PPP1CC: variants seen among roughly 807,000 people sequenced by gnomAD.
The protein encoded by PPP1CC is protein phosphatase 1 catalytic subunit gamma, also known as serine/threonine-protein phosphatase PP1-gamma catalytic subunit.
A neutral mutation model predicts 38.4 loss-of-function variants in PPP1CC; 16 were observed. That is an observed-to-expected ratio of 0.42 (90% CI 0.28 to 0.63). The LOEUF is 0.63. Among genes scored for constraint, PPP1CC ranks in the 30% least tolerant of loss-of-function variants. The pLI, the probability that PPP1CC is intolerant of heterozygous loss-of-function variation, is 0.25. For synonymous variants in PPP1CC, 158 were observed against 136.0 expected (o/e 1.16, Z -1.13); for missense variants, 170 against 391.3 (o/e 0.43, Z 4.77).
chr12:110,712,635 C>CAAA, the PPP1CC span, among the ~76,000 whole-genome samples: 6 of 37,654 alleles, frequency 1.6e-4, no homozygotes, highest in Admixed American at 4.1e-4. Flanking sequence ...GAAACTGTCT[C>CAAA]AAAAAAAAAA....
intron 1 of PPP1CC, among the ~76,000 whole-genome samples, chr12:110,735,820 T>G (rs2069936957): frequency 6.6e-6 from 1 of 151,080 alleles, no homozygotes; most frequent in South Asian, 2.1e-4. Flanking sequence ...ATCCCAGCAC[T>G]TTAGGAGTCC....
the PPP1CC span, among the ~76,000 whole-genome samples, chr12:110,710,657 G>A: frequency 7.2e-6 from 1 of 139,408 alleles, no homozygotes; most frequent in Admixed American, 7.7e-5. Context: ...GGCAGAGCTT[G>A]CAGTGAGCGG....
intron 4 of PPP1CC, among the ~76,000 whole-genome samples, chr12:110,723,252 C>T (rs1340262774): frequency 6.6e-6 from 1 of 151,078 alleles, no homozygotes; most frequent in Non-Finnish European, 1.5e-5. Flanking sequence ...ATTATGCAGG[C>T]TTTTTGATGG....
downstream of PPP1CC, among the ~76,000 whole-genome samples, chr12:110,717,819 T>C (rs1468655797): frequency 2.0e-5 from 3 of 152,226 alleles, no homozygotes; most frequent in Non-Finnish European, 4.4e-5. Context: ...CAGGTGATAC[T>C]TGGATTACAT....
chr12:110,742,016 GAAA>G (rs1173019072), intron 1 of PPP1CC, among the ~76,000 whole-genome samples: 3 of 152,164 alleles, frequency 2.0e-5, no homozygotes, highest in Non-Finnish European at 2.9e-5. Context: ...GCACGCTCAG[GAAA>G]AGAGCGCGGA....
intron 3 of PPP1CC, among the ~76,000 whole-genome samples, chr12:110,727,448 A>G (rs74967026): frequency 9.2e-5 from 14 of 152,318 alleles, no homozygotes; most frequent in African/African-American, 3.4e-4. Flanking sequence ...AGGTTTAGCC[A>G]GGGTAATCGC....
chr12:110,731,347 G>A (rs956304043), intron 2 of PPP1CC, among the ~76,000 whole-genome samples: 3 of 151,998 alleles, frequency 2.0e-5, no homozygotes, highest in Non-Finnish European at 2.9e-5. Context: ...ATAAAGTTTG[G>A]TTTTACATTG....
chr12:110,736,182 T>C (rs2069942751), intron 1 of PPP1CC, among the ~76,000 whole-genome samples: 1 of 152,212 alleles, frequency 6.6e-6, no homozygotes, highest in South Asian at 2.1e-4. Flanking sequence ...TAATATTTCT[T>C]TATCTGGCTA....
the PPP1CC span, among the ~76,000 whole-genome samples, chr12:110,709,518 G>A: frequency 6.6e-6 from 1 of 151,378 alleles, no homozygotes; most frequent in African/African-American, 2.4e-5. Flanking sequence ...ATGAGCCATG[G>A]TGCCCGGCCA....
chr12:110,727,503 GTTTCGCA>G (rs1356592090), intron 3 of PPP1CC, among the ~76,000 whole-genome samples: 3 of 151,740 alleles, frequency 2.0e-5, no homozygotes, highest in Admixed American at 6.6e-5. Flanking sequence ...CTGTAATGCG[GTTTCGCA>G]TTACTGTACA....
rs553646599 is a variant in PPP1CC, at chr12:110,727,890, T to G, written c.418+2639A>C. On this transcript the variant is annotated intron_variant, in intron 3 of 6. Coordinates refer to ENST00000335007, the MANE Select transcript of PPP1CC (RefSeq NM_002710.4). ...TGAGCATAAGATCTACAAATTGTGT[T>G]GATGACCAAACAGGAGTCGAAACTG... 7.2e-5 allele frequency among the ~76,000 whole-genome samples: 11 copies of G among 152,260 alleles called. 1 individual carries two copies. In the South Asian group the frequency reaches 1.5e-3, roughly 20 times the overall value.
At chr12:110,714,805 CAAAAAAA>C (rs1164975036), downstream of PPP1CC, among the ~76,000 whole-genome samples, 142 of 22,056 alleles carry the variant, frequency 6.4e-3, no homozygotes, top group African/African-American at 0.023. Flanking sequence ...GACTCTGTCT[CAAAAAAA>C]AAAAAAAAAA....
At chr12:110,737,452 C>T (rs185326028) in intron 1 of PPP1CC, among the ~76,000 whole-genome samples, 1 of 127,690 alleles carries the variant, frequency 7.8e-6, no homozygotes, top group African/African-American at 3.1e-5. Context: ...CCACTGCACT[C>T]CAGCCTGGGT....
At chr12:110,724,815 T>A in intron 3 of PPP1CC, 51 bp from the exon 4 acceptor site, 1 of 1,115,630 alleles carries the variant, frequency 9.0e-7, no homozygotes, top group Non-Finnish European at 1.4e-6. Context: ...TACTGTTCCG[T>A]AGGCTCATTC....
chr12:110,721,169 G>A lies in PPP1CC; in HGVS notation c.883-4C>T, dbSNP rs773308736. 6.2e-7 allele frequency: 1 copy of A among 1,610,856 alleles called. No individual in the cohort carries two copies. Among genetic ancestry groups the A allele is most frequent in the Non-Finnish European group, 8.5e-7 (1 of 1,177,604 alleles). On this transcript the variant is annotated splice_polypyrimidine_tract_variant and splice_region_variant and intron_variant, in intron 6 of 6. Transcript: ENST00000335007. ...TTTTCTCTGCAGGCTTTAAAATCTGGAGATTCAAAAGACAGTTAATTTAGG... is the reference window on the plus strand; with the variant it reads ...TTTTCTCTGCAGGCTTTAAAATCTGAAGATTCAAAAGACAGTTAATTTAGG...
the PPP1CC span, among the ~76,000 whole-genome samples, chr12:110,711,366 T>C: frequency 6.6e-6 from 1 of 150,528 alleles, no homozygotes; most frequent in African/African-American, 2.5e-5. Flanking sequence ...CTAAGCAATA[T>C]AGCATGACCC....
chr12:110,738,743 A>G (rs145137704), intron 1 of PPP1CC, among the ~76,000 whole-genome samples: 1 of 152,342 alleles, frequency 6.6e-6, no homozygotes, highest in African/African-American at 2.4e-5. Context: ...CAATTCTGTC[A>G]GATTTCACTG....
chr12:110,721,919 A>C (rs2069743444), intron 6 of PPP1CC: 1 of 538,824 alleles, frequency 1.9e-6, no homozygotes, highest in Non-Finnish European at 3.1e-6. Flanking sequence ...GCAATGCAAA[A>C]ATTTATAATT....
intron 3 of PPP1CC, among the ~76,000 whole-genome samples, chr12:110,728,397 CAAAAAA>C (rs1234259790): frequency 3.8e-5 from 3 of 78,688 alleles, no homozygotes; most frequent in African/African-American, 1.1e-4. Flanking sequence ...GACTCCGTCT[CAAAAAA>C]AAAAAAAAAA....
Sources: allele counts gnomAD v4.1 joint callset (sites outside exome capture counted in the v4.1 genomes callset), GRCh38; gene constraint gnomAD v4.1.1; transcripts MANE v1.5; gene names NCBI Gene and HGNC (gene_info 2026-07-23, HGNC 2026-07-21).